BAZ2B: variants seen among roughly 807,000 people sequenced by gnomAD.
BAZ2B encodes bromodomain adjacent to zinc finger domain 2B, also known as bromodomain adjacent to zinc finger domain protein 2B.
In BAZ2B, 91 loss-of-function variants were observed where a neutral mutation model predicts 246.0. That is an observed-to-expected ratio of 0.37 (90% CI 0.31 to 0.44). The LOEUF (loss-of-function observed/expected upper bound fraction) is 0.44. BAZ2B is among the 20% of genes least tolerant of loss of function. The probability of loss-of-function intolerance (pLI) is 1.00; values close to 1 mark genes in which losing one functional copy is unlikely to be tolerated. For missense variants in BAZ2B, 2,332 were observed against 2,533.7 expected, an observed-to-expected ratio of 0.92 and a Z score of 1.71; for synonymous variants, 855 against 860.0, an observed-to-expected ratio of 0.99 and a Z score of 0.10.
At chr2:159,671,291 G>T in the BAZ2B span, among the ~76,000 whole-genome samples, 1 of 151,980 alleles carries the variant, frequency 6.6e-6, no homozygotes, top group Non-Finnish European at 1.5e-5. Flanking sequence ...TGGGTCACTG[G>T]AGCTCCTCGC....
chr2:159,495,941 T>G (rs2081069120), intron 2 of BAZ2B, among the ~76,000 whole-genome samples: 1 of 151,518 alleles, frequency 6.6e-6, no homozygotes, highest in Admixed American at 6.6e-5. Flanking sequence ...CCAATTTTTT[T>G]TTTGTATTTT....
the BAZ2B span, among the ~76,000 whole-genome samples, chr2:159,635,372 T>TA: frequency 2.0e-5 from 3 of 151,548 alleles, no homozygotes; most frequent in South Asian, 2.1e-4. Context: ...AAAATAAAAA[T>TA]AAAAAAAATA....
rs1279641442 is a variant in BAZ2B at position 159,337,368 on chromosome 2, CATACAAGA to C, written c.5660+191_5660+198del. The stretch of plus-strand genomic sequence containing the variant: ...TAGCATGATCCGTATGGATCACAGA[CATACAAGA>C]AGATACATAGATAACAGGCAATAGA... On this transcript the variant is annotated intron_variant, in intron 32 of 36. Transcript: ENST00000392783. 4.5e-6 allele frequency: 6 copies of C among 1,341,328 alleles called. No homozygotes were observed. The African/African-American group carries it at 8.8e-5, about 20-fold the overall frequency. The allele number at this position is 1,341,328 out of a possible 1,614,324, so 83.1% of individuals were successfully genotyped here.
At chr2:159,577,675 C>T (rs1685672334) in intron 1 of BAZ2B, among the ~76,000 whole-genome samples, 3 of 152,064 alleles carry the variant, frequency 2.0e-5, no homozygotes, top group Admixed American at 2.0e-4. Flanking sequence ...AAAATAATAA[C>T]AATTATGTGA....
In BAZ2B at chr2:159,453,754, CTG is replaced by C; in HGVS notation, c.191_192del (p.Thr64SerfsTer56). ...TAGDQPFNLS[T>X]VSSAFPMVSH... ...CTGACCATTGGGAAGGCACTCGACA[CTG>C]TGGACAGGTTAAACGGTTGATCCCC... On this transcript the variant is annotated frameshift_variant, in exon 4 of 37. Coordinates refer to ENST00000392783, the MANE Select transcript of BAZ2B (RefSeq NM_013450.4). LOFTEE classifies it high-confidence loss of function. The C allele has an allele frequency of 6.2e-7, 1 of 1,612,998 alleles. No individual in the cohort carries two copies. Among genetic ancestry groups the C allele is most frequent in the East Asian group, 2.2e-5 (1 of 44,844 alleles).
intron 1 of BAZ2B, among the ~76,000 whole-genome samples, chr2:159,560,182 C>A (rs1259208352): frequency 6.6e-6 from 1 of 152,138 alleles, no homozygotes; most frequent in Non-Finnish European, 1.5e-5. Flanking sequence ...TTTATCCATA[C>A]CTACTTCAAT....
At chr2:159,388,533 C>T (rs960617550) in intron 21 of BAZ2B, among the ~76,000 whole-genome samples, 3 of 152,072 alleles carry the variant, frequency 2.0e-5, no homozygotes, top group African/African-American at 7.2e-5. Flanking sequence ...GAATCCAAAT[C>T]GCCATTTATT....
At chr2:159,421,692 T>A (rs943038681) in intron 13 of BAZ2B, among the ~76,000 whole-genome samples, 1 of 152,078 alleles carries the variant, frequency 6.6e-6, no homozygotes, top group African/African-American at 2.4e-5. Flanking sequence ...TATAATCATA[T>A]CTTAAGCCCA....
the BAZ2B span, among the ~76,000 whole-genome samples, chr2:159,670,104 G>A: frequency 2.0e-4 from 30 of 152,050 alleles, no homozygotes; most frequent in African/African-American, 6.3e-4. Flanking sequence ...CCAAGTAGCC[G>A]CGACTACAGG....
the BAZ2B span, among the ~76,000 whole-genome samples, chr2:159,682,265 T>C: frequency 7.1e-6 from 1 of 140,964 alleles, no homozygotes; most frequent in African/African-American, 2.6e-5. Flanking sequence ...CACTGTAGCC[T>C]CCATCTCTGG....
chr2:159,465,543 T>C (rs1007235823), intron 3 of BAZ2B, among the ~76,000 whole-genome samples: 3 of 152,156 alleles, frequency 2.0e-5, no homozygotes, highest in Admixed American at 1.3e-4. Context: ...TACTAAAAAG[T>C]GAAGTAAAAT....
At chr2:159,346,709 CA>C (rs1288357193) in intron 31 of BAZ2B, among the ~76,000 whole-genome samples, 1 of 151,936 alleles carries the variant, frequency 6.6e-6, no homozygotes, top group African/African-American at 2.4e-5. Flanking sequence ...AACAAAAAAA[CA>C]AAAAACCCCC....
chr2:159,436,655 G>A (rs1445659247), intron 8 of BAZ2B, among the ~76,000 whole-genome samples: 2 of 152,218 alleles, frequency 1.3e-5, no homozygotes, highest in African/African-American at 4.8e-5. Flanking sequence ...GGAGGCTGAG[G>A]CGGGAGAATG....
At chr2:159,390,494 C>A (rs1400376808) in intron 20 of BAZ2B, among the ~76,000 whole-genome samples, 1 of 152,070 alleles carries the variant, frequency 6.6e-6, no homozygotes, top group Non-Finnish European at 1.5e-5. Flanking sequence ...GCTCTTAACT[C>A]TGATTTTAAC....
At chr2:159,331,583 G>T (rs545024025) in intron 34 of BAZ2B, among the ~76,000 whole-genome samples, 48 of 152,172 alleles carry the variant, frequency 3.2e-4, no homozygotes, top group Non-Finnish European at 7.3e-5. Context: ...TGCCATGTTG[G>T]CCAGGCTGGT....
intron 13 of BAZ2B, among the ~76,000 whole-genome samples, chr2:159,426,022 T>C (rs984348312): frequency 2.0e-5 from 3 of 152,210 alleles, no homozygotes. Flanking sequence ...TGTGTACTAA[T>C]TTTGGTTTTA....
At chr2:159,371,173 C>T (rs1047008340) in intron 27 of BAZ2B, among the ~76,000 whole-genome samples, 7 of 151,824 alleles carry the variant, frequency 4.6e-5, no homozygotes, top group Non-Finnish European at 8.8e-5. Flanking sequence ...AGACAGGGCC[C>T]GCTCTGCCAC....
the BAZ2B span, among the ~76,000 whole-genome samples, chr2:159,676,430 C>G: frequency 1.0e-3 from 159 of 152,258 alleles, 3 homozygotes; most frequent in Admixed American, 9.5e-3. Flanking sequence ...TATGCACACA[C>G]CACTATTCAT....
intron 27 of BAZ2B, among the ~76,000 whole-genome samples, chr2:159,369,536 A>G (rs2060590158): frequency 7.2e-6 from 1 of 139,742 alleles, no homozygotes; most frequent in South Asian, 2.4e-4. Context: ...TACAATGATA[A>G]AGAACTGATT....
Sources: allele counts gnomAD v4.1 joint callset (sites outside exome capture counted in the v4.1 genomes callset), GRCh38; gene constraint gnomAD v4.1.1; transcripts MANE v1.5; gene names NCBI Gene and HGNC (gene_info 2026-07-23, HGNC 2026-07-21).